The following ZFAND3 variants were observed in gnomAD, a reference collection of about 807,000 sequenced individuals.
ZFAND3 encodes zinc finger AN1-type containing 3, also known as AN1-type zinc finger protein 3.
In ZFAND3, 10 loss-of-function variants were observed where a neutral mutation model predicts 29.6. The observed-to-expected ratio is 0.34, with a 90% CI of 0.21 to 0.57. The LOEUF is 0.57. ZFAND3 is among the 20% of genes least tolerant of loss of function. The pLI is 0.86. For synonymous variants in ZFAND3, 128 were observed against 112.6 expected, an observed-to-expected ratio of 1.14 and a Z score of -0.87; for missense variants, 230 against 304.5, an observed-to-expected ratio of 0.76 and a Z score of 1.82.
At chr6:37,932,162 G>A (rs181189663) in intron 2 of ZFAND3, among the ~76,000 whole-genome samples, 6 of 152,072 alleles carry the variant, frequency 3.9e-5, no homozygotes, top group African/African-American at 4.8e-5. Context: ...CCAGCTACTC[G>A]GGAGGCTGAG....
chr6:38,068,726 T>C (rs1241536766), intron 3 of ZFAND3, among the ~76,000 whole-genome samples: 1 of 152,162 alleles, frequency 6.6e-6, no homozygotes, highest in Non-Finnish European at 1.5e-5. Context: ...AAATAAAATA[T>C]ACAGAAAAAG....
At chr6:37,999,585 A>G (rs535031426) in intron 2 of ZFAND3, among the ~76,000 whole-genome samples, 10 of 152,214 alleles carry the variant, frequency 6.6e-5, no homozygotes, top group Non-Finnish European at 1.3e-4. Flanking sequence ...TCTTCCTCCA[A>G]TCCCATTAAT....
intron 5 of ZFAND3, among the ~76,000 whole-genome samples, chr6:38,144,425 C>T (rs537311329): frequency 6.6e-6 from 1 of 151,976 alleles, no homozygotes; most frequent in Admixed American, 6.5e-5. Context: ...TCTGCTGGAG[C>T]TCATGTGCAT....
At chr6:38,016,019 A>G (rs1238228523) in intron 2 of ZFAND3, among the ~76,000 whole-genome samples, 2 of 152,228 alleles carry the variant, frequency 1.3e-5, no homozygotes, top group Non-Finnish European at 2.9e-5. Flanking sequence ...TATGTTTATA[A>G]TGGGCCATAC....
intron 4 of ZFAND3, among the ~76,000 whole-genome samples, chr6:38,090,771 A>T (rs1764850491): frequency 6.6e-6 from 1 of 152,208 alleles, no homozygotes; most frequent in Non-Finnish European, 1.5e-5. Context: ...TGAAGGAGTG[A>T]GGTAAAATAT....
At chr6:38,075,753 G>A (rs527953560) in intron 3 of ZFAND3, among the ~76,000 whole-genome samples, 1 of 22,454 alleles carries the variant, frequency 4.5e-5, no homozygotes, top group Admixed American at 7.0e-4. Flanking sequence ...GGCAGAGTTG[G>A]GTTTTTTTGT....
intron 1 of ZFAND3, among the ~76,000 whole-genome samples, chr6:37,861,452 A>G (rs1490324748): frequency 6.6e-6 from 1 of 152,102 alleles, no homozygotes; most frequent in East Asian, 1.9e-4. Flanking sequence ...ACAACATGAT[A>G]AAAAAGACGA....
chr6:37,896,518 C>CTTTCT (rs1765209417), intron 1 of ZFAND3, among the ~76,000 whole-genome samples: 5 of 91,170 alleles, frequency 5.5e-5, no homozygotes, highest in Admixed American at 3.2e-4. Context: ...TCTTTCTTTT[C>CTTTCT]TTTCTTTCTT....
At chr6:38,002,530 T>A (rs979693620) in intron 2 of ZFAND3, among the ~76,000 whole-genome samples, 1 of 151,754 alleles carries the variant, frequency 6.6e-6, no homozygotes, top group Non-Finnish European at 1.5e-5. Context: ...AATCCAAAAA[T>A]TAGCCTGGCT....
At chr6:38,065,066 C>A (rs1486535317) in intron 3 of ZFAND3, among the ~76,000 whole-genome samples, 1 of 152,150 alleles carries the variant, frequency 6.6e-6, no homozygotes, top group Non-Finnish European at 1.5e-5. Flanking sequence ...CGCCTGTAAT[C>A]CCAGCATTTT....
At chr6:37,837,797 C>T (rs1449389431) in intron 1 of ZFAND3, among the ~76,000 whole-genome samples, 2 of 152,290 alleles carry the variant, frequency 1.3e-5, no homozygotes, top group East Asian at 3.9e-4. Flanking sequence ...TGAGCCATTA[C>T]GCCCGGCCGA....
intron 2 of ZFAND3, among the ~76,000 whole-genome samples, chr6:37,962,928 T>C (rs1383553951): frequency 2.0e-5 from 3 of 151,838 alleles, no homozygotes; most frequent in Non-Finnish European, 4.4e-5. Context: ...ACGAACCCAC[T>C]GGGAGGAACA....
chr6:37,974,140 C>T (rs1174910021), intron 2 of ZFAND3, among the ~76,000 whole-genome samples: 1 of 152,190 alleles, frequency 6.6e-6, no homozygotes, highest in African/African-American at 2.4e-5. Context: ...CTCATTGCAA[C>T]CTCTGCCTCT....
At chr6:38,035,453 G>C (rs1012368308) in intron 2 of ZFAND3, among the ~76,000 whole-genome samples, 2 of 152,174 alleles carry the variant, frequency 1.3e-5, no homozygotes, top group East Asian at 1.9e-4. Context: ...TTTTAGCTTT[G>C]AAAGTCTTAA....
chr6:37,870,600 GAA>G (rs35350059), intron 1 of ZFAND3, among the ~76,000 whole-genome samples: 1 of 112,106 alleles, frequency 8.9e-6, no homozygotes, highest in Non-Finnish European at 1.8e-5. Flanking sequence ...CTCTGTCTCA[GAA>G]AAAAAAAAAA....
At chr6:37,903,180 A>G (rs1765350698) in intron 1 of ZFAND3, among the ~76,000 whole-genome samples, 2 of 152,188 alleles carry the variant, frequency 1.3e-5, no homozygotes, top group Admixed American at 6.5e-5. Context: ...TTCTTTATTT[A>G]TTGGGTAGAC....
At chr6:37,863,609 T>G (rs868000974) in intron 1 of ZFAND3, among the ~76,000 whole-genome samples, 6 of 135,046 alleles carry the variant, frequency 4.4e-5, no homozygotes, top group African/African-American at 7.7e-5. Context: ...GTTTCACAGG[T>G]TTTTTTTTTT....
intron 2 of ZFAND3, chr6:38,003,840 T>C: frequency 4.5e-6 from 2 of 448,994 alleles, no homozygotes; most frequent in Non-Finnish European, 9.0e-6. Context: ...TTGTATATCT[T>C]TTTCCTTCTG....
chr6:37,904,346 A>G (rs1042004734), intron 1 of ZFAND3, among the ~76,000 whole-genome samples: 1 of 152,210 alleles, frequency 6.6e-6, no homozygotes. Flanking sequence ...TATATTTGCT[A>G]TACTGGAAAA....
Sources: gnomAD v4.1 joint callset for allele counts (sites outside exome capture counted in the v4.1 genomes callset) on GRCh38, gnomAD v4.1.1 for gene constraint, MANE v1.5 for transcripts, NCBI Gene and HGNC (gene_info 2026-07-23, HGNC 2026-07-21) for gene names.